The following ITCH variants were observed in gnomAD, a reference collection of about 807,000 sequenced individuals.
The protein encoded by ITCH is E3 ubiquitin-protein ligase Itchy homolog.
A neutral mutation model predicts 126.8 loss-of-function variants in ITCH; 28 were observed. The observed-to-expected ratio is 0.22, with a 90% CI of 0.16 to 0.30. The LOEUF is 0.30. ITCH is among the 10% of genes least tolerant of loss of function. ITCH has a pLI of 1.00. For synonymous variants in ITCH, 342 were observed against 340.0 expected (o/e 1.01, Z -0.06); for missense variants, 631 against 1,032.4 (o/e 0.61, Z 5.33).
chr20:34,500,559 G>A (rs187756767), intron 23 of ITCH, among the ~76,000 whole-genome samples: 15 of 152,002 alleles, frequency 9.9e-5, no homozygotes, highest in African/African-American at 3.4e-4. Flanking sequence ...GTGTCTTTAC[G>A]GGTAAAGCAA....
intron 22 of ITCH, among the ~76,000 whole-genome samples, chr20:34,491,538 G>A (rs1030162121): frequency 6.6e-6 from 1 of 151,730 alleles, no homozygotes; most frequent in South Asian, 2.1e-4. Context: ...GGTTAAAATC[G>A]AGAATTTATG....
At chr20:34,387,926 A>G (rs1207571497) in intron 2 of ITCH, among the ~76,000 whole-genome samples, 2 of 151,870 alleles carry the variant, frequency 1.3e-5, no homozygotes, top group Admixed American at 6.6e-5. Flanking sequence ...GATGGTCTTA[A>G]TCTCTTGACC....
chr20:34,418,462 G>A (rs1412130844), intron 6 of ITCH, among the ~76,000 whole-genome samples: 2 of 151,684 alleles, frequency 1.3e-5, no homozygotes, highest in Non-Finnish European at 2.9e-5. Flanking sequence ...TTGTAGTTCC[G>A]CTTAACGTTA....
At chr20:34,492,721 T>A in intron 23 of ITCH, 124 bp downstream of exon 23, 1 of 730,188 alleles carries the variant, frequency 1.4e-6, no homozygotes, top group Non-Finnish European at 2.5e-6. Context: ...CTATTCCCAG[T>A]TAGCATGGAT....
At chr20:34,401,983 G>A (rs866818054) in intron 3 of ITCH, among the ~76,000 whole-genome samples, 6 of 152,126 alleles carry the variant, frequency 3.9e-5, no homozygotes, top group Non-Finnish European at 7.4e-5. Flanking sequence ...GGGGGGCGGC[G>A]CATAGCTATG....
rs1989337842 is a variant in ITCH, at chr20:34,489,116, G to A, written c.2094-150G>A. 43 of 559,238 alleles carry A rather than the reference G, an allele frequency of 7.7e-5. No homozygotes were observed. The South Asian group carries it at 9.8e-4, about 13-fold the overall frequency. The allele number at this position is 559,238 out of a possible 1,614,324, so 34.6% of individuals were successfully genotyped here. On this transcript the variant is annotated intron_variant, in intron 20 of 24. Coordinates refer to ENST00000374864, the MANE Select transcript of ITCH (RefSeq NM_031483.7). ...AGATGAAATAGATGGGCATTGTGAT[G>A]AAGCTTGGACATGTGTACAGGGGGT...
At chr20:34,503,449 T>C (rs111756664) in intron 23 of ITCH, among the ~76,000 whole-genome samples, 126 of 152,352 alleles carry the variant, frequency 8.3e-4, no homozygotes, top group African/African-American at 2.9e-3. Context: ...GCAAGTATTT[T>C]ATGTTTATAC....
intron 3 of ITCH, among the ~76,000 whole-genome samples, chr20:34,399,199 C>T (rs756326233): frequency 5.3e-5 from 8 of 151,950 alleles, no homozygotes; most frequent in Non-Finnish European, 1.0e-4. Context: ...TCGAGACCAG[C>T]CTGAGCAACA....
chr20:34,397,313 G>A (rs757336542), intron 3 of ITCH, among the ~76,000 whole-genome samples: 4 of 152,122 alleles, frequency 2.6e-5, no homozygotes, highest in South Asian at 2.1e-4. Flanking sequence ...GAGCCACCGC[G>A]TCCGGCCTGT....
intron 24 of ITCH, among the ~76,000 whole-genome samples, chr20:34,507,263 G>GTTT (rs776161631): frequency 8.9e-4 from 35 of 39,140 alleles, no homozygotes; most frequent in East Asian, 2.6e-3. Flanking sequence ...GTTTTCTTCT[G>GTTT]TTTTTTTTTT....
intron 13 of ITCH, among the ~76,000 whole-genome samples, chr20:34,460,352 CTTTTT>C (rs749083015): frequency 1.8e-5 from 2 of 108,968 alleles, no homozygotes; most frequent in Non-Finnish European, 1.9e-5. Context: ...CCACACCCAG[CTTTTT>C]TTTTTTTTTT....
intron 16 of ITCH, chr20:34,476,887 C>T (rs1988281393): frequency 1.3e-5 from 2 of 152,336 alleles, no homozygotes; most frequent in Non-Finnish European, 2.9e-5. Context: ...ATTTGTTTTA[C>T]GTGGCAGGAA....
chr20:34,402,184 G>A (rs2038910375), intron 3 of ITCH: 1 of 1,399,362 alleles, frequency 7.1e-7, no homozygotes, highest in African/African-American at 1.4e-5. Flanking sequence ...TTCGGTTCTG[G>A]AGGTTCCAGG....
chr20:34,427,612 A>G lies in ITCH; in HGVS notation c.521+3087A>G, dbSNP rs142249496. ...GATGACAGTTAGACCCTGTGTCAAA[A>G]AAAAAGAAAAGCAATAGGACAGGTT... On this transcript the variant is annotated intron_variant, in intron 7 of 24. Coordinates refer to ENST00000374864, the MANE Select transcript of ITCH (RefSeq NM_031483.7). Among the ~76,000 whole-genome samples, 645 of 152,296 alleles carry G rather than the reference A, an allele frequency of 4.2e-3. 6 individuals carry two copies. Among genetic ancestry groups the G allele is most frequent in the African/African-American group, 0.015 (604 of 41,562 alleles).
intron 2 of ITCH, among the ~76,000 whole-genome samples, chr20:34,383,651 C>T (rs961901426): frequency 2.2e-4 from 34 of 151,700 alleles, no homozygotes; most frequent in Non-Finnish European, 4.4e-4. Flanking sequence ...CAGGCATGAG[C>T]CACTGTCACT....
intron 24 of ITCH, among the ~76,000 whole-genome samples, chr20:34,506,210 TG>T (rs1990612116): frequency 6.6e-6 from 1 of 152,294 alleles, no homozygotes; most frequent in East Asian, 1.9e-4. Flanking sequence ...ACGACAGGCA[TG>T]TGCTACCACA....
intron 2 of ITCH, among the ~76,000 whole-genome samples, chr20:34,386,228 A>C (rs2038279923): frequency 6.6e-6 from 1 of 151,934 alleles, no homozygotes; most frequent in Non-Finnish European, 1.5e-5. Context: ...GCTTCCAAGT[A>C]GCTGGGATCA....
chr20:34,412,495 C>A lies in ITCH; in HGVS notation c.213-20C>A. On this transcript the variant is annotated intron_variant, in intron 4 of 24. Coordinates refer to ENST00000374864, the MANE Select transcript of ITCH (RefSeq NM_031483.7). The stretch of plus-strand genomic sequence containing the variant: ...ATATTCAATAAAAATAATATTTTTT[C>A]CCTCTTTTTTCACTTTTAGTATCGT... 8 of 1,544,148 alleles carry A rather than the reference C, an allele frequency of 5.2e-6. No homozygotes were observed. Among genetic ancestry groups the A allele is most frequent in the Non-Finnish European group, 7.2e-6 (8 of 1,117,734 alleles).
chr20:34,505,706 C>G (rs538799484), intron 24 of ITCH, among the ~76,000 whole-genome samples: 2 of 152,044 alleles, frequency 1.3e-5, no homozygotes, highest in Non-Finnish European at 2.9e-5. Flanking sequence ...GCAGCATGCA[C>G]CACCACGCAT....
Sources: gnomAD v4.1 joint callset for allele counts (sites outside exome capture counted in the v4.1 genomes callset) on GRCh38, gnomAD v4.1.1 for gene constraint, MANE v1.5 for transcripts, NCBI Gene and HGNC (gene_info 2026-07-23, HGNC 2026-07-21) for gene names.